SLC24A2: variants seen among roughly 807,000 people sequenced by gnomAD.
SLC24A2 encodes the protein sodium/potassium/calcium exchanger 2.
Under a neutral mutation model 62.0 loss-of-function variants are expected in SLC24A2, and 36 were observed. That is an observed-to-expected ratio of 0.58 (90% confidence interval 0.44 to 0.77). The LOEUF is 0.77. Ranked by LOEUF, SLC24A2 falls within the 30% of genes least tolerant of loss-of-function variation. The pLI is 0.00. For synonymous variants in SLC24A2, 358 were observed against 294.0 expected (o/e 1.22, Z -2.23); for missense variants, 846 against 817.9 (o/e 1.03, Z -0.42).
At chr9:19,934,390 A>C in the SLC24A2 span, among the ~76,000 whole-genome samples, 1 of 152,162 alleles carries the variant, frequency 6.6e-6, no homozygotes, top group South Asian at 2.1e-4. This position sits in a 1 kb window ranked among gnomAD's most constrained non-coding sequence, Gnocchi z 4.1. Context: ...GGGCCGAGAC[A>C]CATGCCCTGC....
At chr9:19,581,679 T>A (rs115670745) in intron 5 of SLC24A2, among the ~76,000 whole-genome samples, 2 of 152,200 alleles carry the variant, frequency 1.3e-5, no homozygotes, top group Non-Finnish European at 2.9e-5. Context: ...ATAGAATTGA[T>A]GCCTAGCACC....
chr9:19,754,891 C>A (rs1822093573), intron 2 of SLC24A2, among the ~76,000 whole-genome samples: 1 of 152,102 alleles, frequency 6.6e-6, no homozygotes, highest in African/African-American at 2.4e-5. Context: ...ACACTGAGAC[C>A]TAGCCTGCTC....
chr9:19,956,342 C>A, the SLC24A2 span, among the ~76,000 whole-genome samples: 1 of 152,184 alleles, frequency 6.6e-6, no homozygotes, highest in African/African-American at 2.4e-5. Flanking sequence ...TTTGGAACAA[C>A]TTACACATTT....
chr9:19,794,596 T>TAAA, the SLC24A2 span, among the ~76,000 whole-genome samples: 3 of 143,978 alleles, frequency 2.1e-5, no homozygotes, highest in Non-Finnish European at 4.5e-5. Context: ...GTTGGAAAGT[T>TAAA]AAAAAAAAAA....
chr9:20,193,520 G>A, the SLC24A2 span, among the ~76,000 whole-genome samples: 855 of 151,882 alleles, frequency 5.6e-3, 4 homozygotes, highest in Non-Finnish European at 9.3e-3. Flanking sequence ...TTTAATATAT[G>A]TAATGTATTT....
At chr9:20,120,564 G>A in the SLC24A2 span, among the ~76,000 whole-genome samples, 6 of 152,142 alleles carry the variant, frequency 3.9e-5, no homozygotes, top group Admixed American at 3.9e-4. Context: ...TGGAAGTTGG[G>A]AGAAGGGTGA....
chr9:20,174,779 G>C, the SLC24A2 span, among the ~76,000 whole-genome samples: 1 of 151,982 alleles, frequency 6.6e-6, no homozygotes, highest in African/African-American at 2.4e-5. Context: ...AACCACTATG[G>C]AAAACAGTGT....
the SLC24A2 span, among the ~76,000 whole-genome samples, chr9:20,212,261 A>T: frequency 1.3e-5 from 2 of 151,870 alleles, no homozygotes; most frequent in Non-Finnish European, 2.9e-5. Context: ...TATAACAAAG[A>T]TGTGAGTTAA....
the SLC24A2 span, among the ~76,000 whole-genome samples, chr9:20,065,143 A>G: frequency 6.6e-6 from 1 of 152,218 alleles, no homozygotes; most frequent in African/African-American, 2.4e-5. Context: ...ATCACATTTC[A>G]TAGCTCTGGG....
the SLC24A2 span, among the ~76,000 whole-genome samples, chr9:19,911,182 C>T: frequency 6.0e-5 from 9 of 150,520 alleles, no homozygotes; most frequent in Admixed American, 5.3e-4. Context: ...GTTTTTTGTC[C>T]TTGCGATAGT....
chr9:19,951,474 A>C, the SLC24A2 span, among the ~76,000 whole-genome samples: 5 of 152,126 alleles, frequency 3.3e-5, no homozygotes, highest in South Asian at 2.1e-4. Flanking sequence ...TTTTCTCTAG[A>C]ATATTTACAG....
chr9:20,188,817 G>A, the SLC24A2 span, among the ~76,000 whole-genome samples: 1 of 152,178 alleles, frequency 6.6e-6, no homozygotes, highest in African/African-American at 2.4e-5. Context: ...GCTGGCACAT[G>A]GATTGTAGCC....
the SLC24A2 span, among the ~76,000 whole-genome samples, chr9:19,930,684 T>C: frequency 6.6e-6 from 1 of 152,162 alleles, no homozygotes; most frequent in African/African-American, 2.4e-5. Context: ...CTAAAGGTAT[T>C]ATAATTTCAG....
rs1832782344 is a variant in SLC24A2 at position 19,513,156 on chromosome 9, AT to A, written c.*2996del. The A allele has an allele frequency of 5.2e-5, 3 of 57,720 alleles. No individual in the cohort carries two copies. Among genetic ancestry groups the A allele is most frequent in the Admixed American group, 4.9e-4 (3 of 6,132 alleles). 3.6% of individuals were successfully genotyped at this position (57,720 alleles called of 1,614,324 possible). A position where few individuals can be genotyped will look rare whatever the true frequency, so the allele number is the denominator to read the frequency against. ...GTACATATAGATCTGGTATAAAGATATATATATATATATATATATGTATATA... is the reference window on the plus strand; with the variant it reads ...GTACATATAGATCTGGTATAAAGATAATATATATATATATATATGTATATA... On this transcript the variant is annotated 3_prime_UTR_variant, in exon 11 of 11. Transcript: ENST00000341998.
At chr9:20,280,750 C>T in the SLC24A2 span, among the ~76,000 whole-genome samples, 2 of 152,106 alleles carry the variant, frequency 1.3e-5, no homozygotes, top group Non-Finnish European at 2.9e-5. Context: ...TGAAGGATCT[C>T]AAGATGAGAT....
the SLC24A2 span, among the ~76,000 whole-genome samples, chr9:19,867,002 C>T: frequency 6.6e-6 from 1 of 151,966 alleles, no homozygotes. Context: ...TTTGATAACA[C>T]AACAGGGTGA....
the SLC24A2 span, among the ~76,000 whole-genome samples, chr9:20,018,639 G>C: frequency 6.6e-6 from 1 of 152,082 alleles, no homozygotes; most frequent in African/African-American, 2.4e-5. Flanking sequence ...GTAAATTTCA[G>C]ATAACAGTAA....
chr9:20,021,695 A>G, the SLC24A2 span, among the ~76,000 whole-genome samples: 1 of 149,634 alleles, frequency 6.7e-6, no homozygotes, highest in African/African-American at 2.5e-5. Flanking sequence ...CTGCTTTCCA[A>G]CTCCCCCCTG....
intron 7 of SLC24A2, among the ~76,000 whole-genome samples, chr9:19,554,533 T>A (rs901925104): frequency 1.3e-5 from 2 of 152,224 alleles, no homozygotes; most frequent in Non-Finnish European, 2.9e-5. Context: ...GTACTGCCTT[T>A]ATGCTTTAAC....
Sources: gnomAD v4.1 joint callset for allele counts (sites outside exome capture counted in the v4.1 genomes callset) on GRCh38, gnomAD v4.1.1 for gene constraint, Gnocchi (gnomAD v3.1) non-coding constraint, MANE v1.5 for transcripts, NCBI Gene and HGNC (gene_info 2026-07-23, HGNC 2026-07-21) for gene names.